Variants in RBM17 observed in about 807,000 individuals in gnomAD.
RBM17 encodes the protein RNA binding motif protein 17, also known as splicing factor 45.
Under a neutral mutation model 53.2 loss-of-function variants are expected in RBM17, and 7 were observed. That is an observed-to-expected ratio of 0.13 (90% CI 0.07 to 0.25). The LOEUF is 0.25. RBM17 is among the 10% of genes least tolerant of loss of function. The pLI is 1.00. For synonymous variants in RBM17, 167 were observed against 178.1 expected, an observed-to-expected ratio of 0.94 and a Z score of 0.50; for missense variants, 257 against 496.7, an observed-to-expected ratio of 0.52 and a Z score of 4.59.
In RBM17 at chr10:6,089,941, G is replaced by C. The variant is rs1043366475; in HGVS notation, c.-19+748G>C. 6.6e-6 allele frequency: 1 copy of C among 152,262 alleles called. No individual in the cohort carries two copies. The allele number at this position is 152,262 out of a possible 1,614,324, so 9.4% of individuals were successfully genotyped here. ...GGGTCTGGAAGGACCTCTCTTGAGA[G>C]AGGAGGTCATGCTTATGTTGAGTCT... On this transcript the variant is annotated intron_variant, in intron 1 of 11. Transcript: ENST00000379888. The surrounding 1 kb of genome is among the most constrained non-coding windows in gnomAD (Gnocchi z 5.6).
chr10:6,098,677 G>T (rs763345413), intron 2 of RBM17, among the ~76,000 whole-genome samples: 1 of 135,908 alleles, frequency 7.4e-6, no homozygotes, highest in Non-Finnish European at 1.5e-5. Context: ...CCAGGTTCAC[G>T]CCATTCTCCT....
rs1053169 is a variant in RBM17, at chr10:6,115,677, C to T, written c.*121C>T. On this transcript the variant is annotated 3_prime_UTR_variant, in exon 12 of 12. Transcript: ENST00000379888. ...CATACCAAGACTCTTGGAAGGACTT[C>T]TAAGATATATGTTGATTGATCCCTT... 3 of 649,558 alleles carry T rather than the reference C, an allele frequency of 4.6e-6. No individual in the cohort carries two copies. Among genetic ancestry groups the T allele is most frequent in the Non-Finnish European group, 8.2e-6 (3 of 365,688 alleles). The allele number at this position is 649,558 out of a possible 1,614,324, so 40.2% of individuals were successfully genotyped here.
chr10:6,108,034 T>G (rs1840781221), intron 5 of RBM17, among the ~76,000 whole-genome samples: 1 of 152,238 alleles, frequency 6.6e-6, no homozygotes, highest in African/African-American at 2.4e-5. Context: ...TCTTTTGGTT[T>G]GTTTGTGTTC....
intron 2 of RBM17, among the ~76,000 whole-genome samples, chr10:6,099,579 T>G (rs1304026379): frequency 6.6e-6 from 1 of 152,186 alleles, no homozygotes; most frequent in Non-Finnish European, 1.5e-5. Flanking sequence ...CATCTGTGGA[T>G]TGCTTGCAAT....
rs1171974320 is a variant in RBM17, at chr10:6,115,662, C to T, written c.*106C>T. On this transcript the variant is annotated 3_prime_UTR_variant, in exon 12 of 12. Coordinates refer to ENST00000379888, the MANE Select transcript of RBM17 (RefSeq NM_032905.5). ...CCTCCATGGCTGTTGCATACCAAGA[C>T]TCTTGGAAGGACTTCTAAGATATAT... 9 of 707,566 alleles carry T rather than the reference C, an allele frequency of 1.3e-5. No individual in the cohort carries two copies. Among genetic ancestry groups the T allele is most frequent in the Non-Finnish European group, 2.0e-5 (8 of 400,624 alleles). The allele number at this position is 707,566 out of a possible 1,614,324, so 43.8% of individuals were successfully genotyped here.
chr10:6,105,104 C>T lies in RBM17; in HGVS notation c.407+7C>T, dbSNP rs760233567. 1.9e-6 allele frequency: 3 copies of T among 1,609,436 alleles called. No individual in the cohort carries two copies. Among genetic ancestry groups the T allele is most frequent in the Admixed American group, 1.7e-5 (1 of 59,636 alleles). On this transcript the variant is annotated splice_region_variant and intron_variant, in intron 4 of 11. Coordinates refer to ENST00000379888, the MANE Select transcript of RBM17 (RefSeq NM_032905.5). ...AAATAGAAGAAAGGGAAAAGTAAGG[C>T]TTCCTTTGGATTTGGGGATATTTTA...
At chr10:6,104,797 T>C in intron 3 of RBM17, 134 bp from the exon 4 acceptor site, 1 of 708,760 alleles carries the variant, frequency 1.4e-6, no homozygotes, top group South Asian at 2.6e-5. Context: ...ATTTGTTTTC[T>C]TTGTCTTTAA....
At chr10:6,101,213 A>G (rs1459914683) in intron 2 of RBM17, 58 bp from the exon 3 acceptor site, 2 of 1,089,928 alleles carry the variant, frequency 1.8e-6, no homozygotes, top group Non-Finnish European at 2.6e-6. Flanking sequence ...TTTGTTGCAA[A>G]CAGTGTGAAT....
chr10:6,096,890 A>G (rs906196636), intron 1 of RBM17, 158 bp from the exon 2 acceptor site: 9 of 534,660 alleles, frequency 1.7e-5, no homozygotes, highest in African/African-American at 1.5e-4. Flanking sequence ...AGCTTCATGT[A>G]TCAGGAATAG....
chr10:6,113,630 G>A (rs369035465), intron 9 of RBM17, 49 bp downstream of exon 9: 31 of 1,257,804 alleles, frequency 2.5e-5, no homozygotes, highest in Non-Finnish European at 3.5e-5. Flanking sequence ...ATTTGTGTGT[G>A]TCACCCCAGC....
At chr10:6,111,916 A>G (rs879871021) in intron 7 of RBM17, among the ~76,000 whole-genome samples, 1 of 152,158 alleles carries the variant, frequency 6.6e-6, no homozygotes, top group Admixed American at 6.5e-5. Flanking sequence ...GAGCACACAA[A>G]AGGTCTTGTG....
intron 1 of RBM17, 68 bp from the exon 2 acceptor site, chr10:6,096,980 C>T (rs75850430): frequency 2.1e-6 from 3 of 1,460,820 alleles, no homozygotes; most frequent in African/African-American, 2.8e-5. Flanking sequence ...TTTCATGATA[C>T]TTATTTTAAC....
chr10:6,091,362 C>A (rs1178476620), intron 1 of RBM17, among the ~76,000 whole-genome samples: 1 of 151,732 alleles, frequency 6.6e-6, no homozygotes, highest in Non-Finnish European at 1.5e-5. Context: ...CCCGGTCTTG[C>A]CATATTCTTT....
At position 6,116,397 on chromosome 10, in the gene RBM17, A is replaced by T. The variant is rs1840917609; in HGVS notation, c.*841A>T. 6.6e-6 allele frequency: 1 copy of T among 152,364 alleles called. No individual in the cohort carries two copies. The highest frequency in any genetic ancestry group is 6.5e-5 in the Admixed American group (1 of 15,284). The allele number at this position is 152,364 out of a possible 1,614,324, so 9.4% of individuals were successfully genotyped here. A position where few individuals can be genotyped will look rare whatever the true frequency, so the allele number is the denominator to read the frequency against. On this transcript the variant is annotated 3_prime_UTR_variant, in exon 12 of 12. Coordinates refer to ENST00000379888, the MANE Select transcript of RBM17 (RefSeq NM_032905.5). ...TTTGCAATAGTGTTCTATTGTATGT[A>T]ATTTTAAAATTTATAAGATTATCCA...
chr10:6,111,836 T>C (rs10905818), intron 7 of RBM17, among the ~76,000 whole-genome samples: 45,888 of 152,054 alleles, frequency 0.3, 7,948 homozygotes, highest in Non-Finnish European at 0.4. Context: ...TGTACGAAAC[T>C]TCATACTTAC....
At chr10:6,091,990 CT>C (rs1840493074) in intron 1 of RBM17, among the ~76,000 whole-genome samples, 1 of 152,198 alleles carries the variant, frequency 6.6e-6, no homozygotes, top group African/African-American at 2.4e-5. Flanking sequence ...TAAAAAAATA[CT>C]TTCCAGCTTG....
At chr10:6,091,199 C>T (rs969223097) in intron 1 of RBM17, among the ~76,000 whole-genome samples, 3 of 151,482 alleles carry the variant, frequency 2.0e-5, no homozygotes, top group African/African-American at 7.3e-5. Context: ...GCTGGAATTA[C>T]AGGCGCTCGC....
intron 1 of RBM17, among the ~76,000 whole-genome samples, chr10:6,091,023 A>T (rs11256671): frequency 8.1e-6 from 1 of 123,072 alleles, no homozygotes; most frequent in South Asian, 2.6e-4. Context: ...TTATATATTT[A>T]TATATATTTA....
At chr10:6,108,779 C>T in intron 6 of RBM17, 37 bp downstream of exon 6, 2 of 1,540,510 alleles carry the variant, frequency 1.3e-6, no homozygotes, top group Non-Finnish European at 1.8e-6. Flanking sequence ...TATTCTGATA[C>T]AGGTCTTTAA....
Sources: allele counts gnomAD v4.1 joint callset (sites outside exome capture counted in the v4.1 genomes callset), GRCh38; gene constraint gnomAD v4.1.1; non-coding constraint Gnocchi (gnomAD v3.1); transcripts MANE v1.5; gene names NCBI Gene and HGNC (gene_info 2026-07-23, HGNC 2026-07-21).